Variants in PCDH15 observed in about 807,000 individuals in gnomAD.
PCDH15 encodes protocadherin-15.
PCDH15 carries 129 observed loss-of-function variants against 178.5 expected under a neutral mutation model. That is an observed-to-expected ratio of 0.72 (90% confidence interval 0.63 to 0.84). The LOEUF (loss-of-function observed/expected upper bound fraction) is 0.84, where lower values mean the gene tolerates loss of function less well. PCDH15 is among the 40% of genes least tolerant of loss of function. PCDH15 has a pLI of 0.00. For synonymous variants in PCDH15, 800 were observed against 732.0 expected (o/e 1.09, Z -1.50); for missense variants, 2,230 against 2,099.9 (o/e 1.06, Z -1.21).
intron 1 of PCDH15, among the ~76,000 whole-genome samples, chr10:54,684,968 T>C (rs2094967401): frequency 6.6e-6 from 1 of 151,932 alleles, no homozygotes; most frequent in South Asian, 2.1e-4. Context: ...GAACACATGG[T>C]ATAGCCATAC....
intron 3 of PCDH15, among the ~76,000 whole-genome samples, chr10:54,458,466 CTACA>C (rs2076965911): frequency 1.3e-5 from 2 of 152,090 alleles, no homozygotes; most frequent in Non-Finnish European, 2.9e-5. Context: ...AAACTTAAAA[CTACA>C]TAACCATTCG....
chr10:54,695,493 C>T (rs1263475899), intron 1 of PCDH15, among the ~76,000 whole-genome samples: 3 of 152,216 alleles, frequency 2.0e-5, no homozygotes, highest in South Asian at 4.1e-4. Flanking sequence ...AGCAACTTAT[C>T]TGGAAAATTT....
At chr10:54,219,089 TAAAA>T (rs746481539) in intron 9 of PCDH15, among the ~76,000 whole-genome samples, 51 of 100,104 alleles carry the variant, frequency 5.1e-4, no homozygotes, top group African/African-American at 7.0e-4. Flanking sequence ...CTGTCTCTAC[TAAAA>T]AAAAAAAAAA....
At chr10:55,399,562 G>A (rs986989020) in intron 2 of PCDH15, among the ~76,000 whole-genome samples, 2 of 152,078 alleles carry the variant, frequency 1.3e-5, no homozygotes, top group African/African-American at 4.8e-5. Context: ...TAGAAGGTGT[G>A]AGAATCAGAG....
At chr10:54,439,499 A>G (rs1488820902) in intron 3 of PCDH15, among the ~76,000 whole-genome samples, 1 of 152,062 alleles carries the variant, frequency 6.6e-6, no homozygotes, top group East Asian at 1.9e-4. Flanking sequence ...GCCACACTGA[A>G]AGATACTCCC....
At chr10:55,377,726 A>T (rs957613275) in intron 2 of PCDH15, among the ~76,000 whole-genome samples, 1 of 152,074 alleles carries the variant, frequency 6.6e-6, no homozygotes, top group Admixed American at 6.6e-5. Flanking sequence ...TTTCACGTAT[A>T]CTTTCTGAGT....
chr10:55,625,889 A>G (rs1837515512), intron 2 of PCDH15, among the ~76,000 whole-genome samples: 1 of 151,878 alleles, frequency 6.6e-6, no homozygotes. Flanking sequence ...TACTCTCACC[A>G]CTTTCGTGGT....
intron 2 of PCDH15, among the ~76,000 whole-genome samples, chr10:55,362,044 C>T (rs984549727): frequency 1.3e-5 from 2 of 151,966 alleles, no homozygotes; most frequent in African/African-American, 4.8e-5. Flanking sequence ...CTTCTGCTCA[C>T]CTTAATAGAA....
At chr10:54,704,712 A>T (rs1045305860) in intron 1 of PCDH15, among the ~76,000 whole-genome samples, 4 of 152,122 alleles carry the variant, frequency 2.6e-5, no homozygotes, top group Non-Finnish European at 4.4e-5. Flanking sequence ...AGGAACACTT[A>T]TACCTTGCTG....
intron 1 of PCDH15, among the ~76,000 whole-genome samples, chr10:55,222,730 C>CATATATATATATATATATATATATAT (rs142618720): frequency 1.9e-4 from 23 of 121,240 alleles, no homozygotes; most frequent in Middle Eastern, 4.1e-3. Context: ...CACACACACA[C>CATATATATATATATATATATATATAT]ATATATATAT....
rs556724408 is a variant in PCDH15 at position 55,279,979 on chromosome 10, A to G, written c.-156+39620T>C. 2.1e-3 allele frequency among the ~76,000 whole-genome samples: 316 copies of G among 152,312 alleles called. 1 individual carries two copies. The highest frequency in any genetic ancestry group is 7.4e-3 in the African/African-American group (308 of 41,576). ...TGTTTTCTTAAAAAGTAAACATAAT[A>G]ATATCCACCAGCCTATCAGGGTTCC... On this transcript the variant is annotated intron_variant, in intron 1 of 5. Transcript: ENST00000458638.
intron 3 of PCDH15, among the ~76,000 whole-genome samples, chr10:54,895,817 T>C (rs1954535091): frequency 6.6e-6 from 1 of 152,142 alleles, no homozygotes; most frequent in Non-Finnish European, 1.5e-5. Flanking sequence ...CCATACACGT[T>C]AGTCTACTTT....
chr10:55,420,793 A>G lies in PCDH15; in HGVS notation c.-156+206832T>C, dbSNP rs1838601897. Among the ~76,000 whole-genome samples the G allele has an allele frequency of 6.6e-5, 10 of 151,842 alleles. No homozygotes were observed. In the South Asian group the frequency reaches 2.1e-3, roughly 31 times the overall value. ...TACACCAAATTCGACCTAATGATCA[A>G]CTACAAATCAGTATTTACTATATGT... is the stretch of plus-strand genomic sequence containing the variant. On this transcript the variant is annotated intron_variant, in intron 2 of 5. Transcript: ENST00000613346.
chr10:54,279,166 C>A (rs981635930), intron 8 of PCDH15, among the ~76,000 whole-genome samples: 10 of 151,204 alleles, frequency 6.6e-5, no homozygotes, highest in African/African-American at 2.4e-4. Context: ...TTAAATAACA[C>A]AAATAAGTAA....
chr10:54,648,167 T>A lies in PCDH15; in HGVS notation c.91+16005A>T, dbSNP rs1344830086. 4.6e-5 allele frequency among the ~76,000 whole-genome samples: 7 copies of A among 152,124 alleles called. No individual in the cohort carries two copies. The East Asian group carries it at 5.8e-4, about 13-fold the overall frequency. ...CTCTGATAATCTAAAGTAAAATGTATTCTAAGAAAGAGAAAATTAGAAGGA... is the reference window on the plus strand; with the variant it reads ...CTCTGATAATCTAAAGTAAAATGTAATCTAAGAAAGAGAAAATTAGAAGGA... On this transcript the variant is annotated intron_variant, in intron 2 of 37. Transcript: ENST00000644397.
At chr10:54,017,576 G>A (rs2092781110) in intron 20 of PCDH15, among the ~76,000 whole-genome samples, 1 of 151,996 alleles carries the variant, frequency 6.6e-6, no homozygotes, top group South Asian at 2.1e-4. Context: ...CCTCTAAATG[G>A]TAACTAAATA....
At chr10:54,157,036 C>A (rs1309804651) in intron 13 of PCDH15, among the ~76,000 whole-genome samples, 9 of 152,066 alleles carry the variant, frequency 5.9e-5, no homozygotes. Flanking sequence ...GGGACAGCCT[C>A]CCCCCCAACT....
At chr10:54,367,838 T>C (rs139134792) in intron 5 of PCDH15, among the ~76,000 whole-genome samples, 2,729 of 150,936 alleles carry the variant, frequency 0.018, 88 homozygotes, top group African/African-American at 0.063. Context: ...TATATATACA[T>C]ATATATATAT....
At chr10:54,789,113 A>G (rs1167526604) in intron 1 of PCDH15, among the ~76,000 whole-genome samples, 1 of 151,952 alleles carries the variant, frequency 6.6e-6, no homozygotes, top group Admixed American at 6.6e-5. Flanking sequence ...ATGGCTCCCA[A>G]AACATTCATA....
Sources: gnomAD v4.1 joint callset for allele counts (sites outside exome capture counted in the v4.1 genomes callset) on GRCh38, gnomAD v4.1.1 for gene constraint, MANE v1.5 for transcripts, NCBI Gene and HGNC (gene_info 2026-07-23, HGNC 2026-07-21) for gene names.